Variants in SLC9B1 observed in about 807,000 individuals in gnomAD.
The protein encoded by SLC9B1 is sodium/hydrogen exchanger 9B1.
Under a neutral mutation model 51.7 loss-of-function variants are expected in SLC9B1, and 32 were observed. That is an observed-to-expected ratio of 0.62 (90% CI 0.47 to 0.83). The LOEUF (loss-of-function observed/expected upper bound fraction) is 0.83, where lower values mean the gene tolerates loss of function less well. Ranked by LOEUF, SLC9B1 falls within the 40% of genes least tolerant of loss-of-function variation. SLC9B1 has a pLI of 0.00. For missense variants in SLC9B1, 406 were observed against 613.2 expected, an observed-to-expected ratio of 0.66 and a Z score of 3.57; for synonymous variants, 145 against 212.7, an observed-to-expected ratio of 0.68 and a Z score of 2.77.
chr4:102,888,878 T>C (rs940096190), intron 11 of SLC9B1: 2 of 152,270 alleles, frequency 1.3e-5, no homozygotes, highest in African/African-American at 2.4e-5. Context: ...AACTGCTTAG[T>C]TGAGAAAAGA....
At chr4:102,902,570 T>C (rs1387130178) in intron 11 of SLC9B1, among the ~76,000 whole-genome samples, 1 of 148,890 alleles carries the variant, frequency 6.7e-6, no homozygotes, top group Non-Finnish European at 1.5e-5. Flanking sequence ...TTTTAAGAGA[T>C]GATTATGATA....
At chr4:102,921,734 A>T (rs1281296589) in intron 7 of SLC9B1, among the ~76,000 whole-genome samples, 1 of 152,222 alleles carries the variant, frequency 6.6e-6, no homozygotes, top group African/African-American at 2.4e-5. Flanking sequence ...AACAAATGGA[A>T]AGCAAAAAAT....
intron 3 of SLC9B1, among the ~76,000 whole-genome samples, chr4:102,976,258 G>T (rs1423455490): frequency 6.6e-6 from 1 of 152,092 alleles, no homozygotes; most frequent in African/African-American, 2.4e-5. Flanking sequence ...CAGAGATGAA[G>T]GATAACATTT....
At chr4:102,921,621 G>GT (rs1476227972) in intron 7 of SLC9B1, among the ~76,000 whole-genome samples, 1 of 152,106 alleles carries the variant, frequency 6.6e-6, no homozygotes, top group East Asian at 1.9e-4. Flanking sequence ...CTGGCAAACT[G>GT]GATAAAGAGT....
chr4:102,918,096 G>GA (rs71596380), intron 7 of SLC9B1, among the ~76,000 whole-genome samples: 64,451 of 120,214 alleles, frequency 0.54, 17,307 homozygotes, highest in African/African-American at 0.66. Context: ...AAAGGCTAGA[G>GA]AAAAAAAAAA....
At chr4:103,001,834 T>A (rs185741124) in intron 1 of SLC9B1, among the ~76,000 whole-genome samples, 1 of 152,342 alleles carries the variant, frequency 6.6e-6, no homozygotes, top group Admixed American at 6.5e-5. Flanking sequence ...AGTCCCATTT[T>A]CACACTGCTA....
intron 3 of SLC9B1, among the ~76,000 whole-genome samples, chr4:102,978,441 T>C (rs916158590): frequency 2.0e-5 from 3 of 152,068 alleles, no homozygotes; most frequent in Non-Finnish European, 2.9e-5. Flanking sequence ...ATATCCAGAA[T>C]CTACAATGAA....
chr4:102,987,524 G>T (rs1388173260), intron 3 of SLC9B1, among the ~76,000 whole-genome samples: 1 of 152,032 alleles, frequency 6.6e-6, no homozygotes, highest in East Asian at 1.9e-4. Flanking sequence ...AGTTGGTTAG[G>T]CTCTGATAAA....
intron 1 of SLC9B1, among the ~76,000 whole-genome samples, chr4:102,999,966 C>A (rs532820414): frequency 6.6e-6 from 1 of 152,270 alleles, no homozygotes; most frequent in Non-Finnish European, 1.5e-5. Flanking sequence ...GAAGGAGAAG[C>A]AAGGACCCTC....
At chr4:102,898,875 C>T (rs1487050678), downstream of SLC9B1, among the ~76,000 whole-genome samples, 2 of 152,152 alleles carry the variant, frequency 1.3e-5, no homozygotes, top group Admixed American at 6.5e-5. Flanking sequence ...CTACAGGCAC[C>T]TGCCACCACG....
intron 3 of SLC9B1, among the ~76,000 whole-genome samples, chr4:102,950,257 TA>T (rs1737480300): frequency 6.6e-6 from 1 of 152,064 alleles, no homozygotes; most frequent in South Asian, 2.1e-4. Flanking sequence ...TTAGAGGAGG[TA>T]ATGGCTGGAA....
chr4:102,992,494 A>G (rs1478218907), intron 1 of SLC9B1, among the ~76,000 whole-genome samples: 2 of 152,224 alleles, frequency 1.3e-5, no homozygotes, highest in African/African-American at 4.8e-5. Flanking sequence ...AACAATTTTA[A>G]TAATGAAAAT....
chr4:102,946,183 C>T (rs1056474582), intron 5 of SLC9B1, among the ~76,000 whole-genome samples: 3 of 152,164 alleles, frequency 2.0e-5, no homozygotes, highest in Non-Finnish European at 2.9e-5. Context: ...ATGATTAGAT[C>T]GCTAATAAAG....
chr4:102,946,234 G>C (rs1737260055), intron 5 of SLC9B1, among the ~76,000 whole-genome samples: 2 of 152,176 alleles, frequency 1.3e-5, no homozygotes, highest in Non-Finnish European at 2.9e-5. Context: ...CAGTGATAAT[G>C]ATGGCTAGAC....
chr4:102,997,720 T>C (rs532321418), intron 1 of SLC9B1, among the ~76,000 whole-genome samples: 76 of 152,318 alleles, frequency 5.0e-4, no homozygotes, highest in African/African-American at 1.8e-3. Context: ...CTTGGTATTG[T>C]CTGTCTTCAG....
intron 3 of SLC9B1, among the ~76,000 whole-genome samples, chr4:102,976,794 A>G (rs1739094883): frequency 6.6e-6 from 1 of 152,224 alleles, no homozygotes; most frequent in African/African-American, 2.4e-5. Context: ...AAGAAAATTC[A>G]TAATTGAAAC....
chr4:102,968,408 GA>G (rs940638625), intron 3 of SLC9B1, among the ~76,000 whole-genome samples: 1 of 152,124 alleles, frequency 6.6e-6, no homozygotes, highest in Non-Finnish European at 1.5e-5. Flanking sequence ...AAATATAGGA[GA>G]AAATATTTAT....
rs1272148149 is a variant in SLC9B1, at chr4:103,019,617, C to T, written c.-20G>A. ...GCCGTACCTACAACTTCTTTCGCAGCCCTCGCTGGCCCGGGAGCGGCCCAG... is the reference window on the plus strand; with the variant it reads ...GCCGTACCTACAACTTCTTTCGCAGTCCTCGCTGGCCCGGGAGCGGCCCAG... On this transcript the variant is annotated 5_prime_UTR_variant, in exon 1 of 12. Transcript: ENST00000296422. 1 of 985,364 alleles carries T rather than the reference C, an allele frequency of 1.0e-6. No homozygotes were observed. Among genetic ancestry groups the T allele is most frequent in the East Asian group, 1.1e-4 (1 of 8,816 alleles). The allele number at this position is 985,364 out of a possible 1,614,324, so 61.0% of individuals were successfully genotyped here. A position where few individuals can be genotyped will look rare whatever the true frequency, so the allele number is the denominator to read the frequency against.
At chr4:102,999,666 A>G (rs1368998672) in intron 1 of SLC9B1, among the ~76,000 whole-genome samples, 1 of 152,212 alleles carries the variant, frequency 6.6e-6, no homozygotes, top group Non-Finnish European at 1.5e-5. Flanking sequence ...CACTTTAACC[A>G]AATCAGAGAT....
Sources: allele counts gnomAD v4.1 joint callset (sites outside exome capture counted in the v4.1 genomes callset), GRCh38; gene constraint gnomAD v4.1.1; transcripts MANE v1.5; gene names NCBI Gene and HGNC (gene_info 2026-07-23, HGNC 2026-07-21).